The following NRG4 variants were observed in gnomAD, a reference collection of about 807,000 sequenced individuals.
NRG4 encodes pro-neuregulin-4, membrane-bound isoform.
NRG4 carries 10 observed loss-of-function variants against 15.0 expected under a neutral mutation model. The ratio of observed to expected loss-of-function variants is 0.67; its 90% CI spans 0.41 to 1.13. The LOEUF (loss-of-function observed/expected upper bound fraction) is 1.13. NRG4 is among the 50% of genes most tolerant of loss of function. NRG4 has a pLI of 0.00. For synonymous variants in NRG4, 41 were observed against 50.1 expected, an observed-to-expected ratio of 0.82 and a Z score of 0.77; for missense variants, 139 against 140.2, an observed-to-expected ratio of 0.99 and a Z score of 0.04.
At chr15:76,025,228 A>G (rs1273494673) in intron 5 of NRG4, among the ~76,000 whole-genome samples, 1 of 151,914 alleles carries the variant, frequency 6.6e-6, no homozygotes, top group Non-Finnish European at 1.5e-5. Context: ...TCGCGAGGTC[A>G]GGAGATCGAG....
chr15:75,957,933 T>C (rs1486452108), intron 4 of NRG4, among the ~76,000 whole-genome samples: 4 of 152,194 alleles, frequency 2.6e-5, no homozygotes, highest in Non-Finnish European at 5.9e-5. Flanking sequence ...TTTTTAAAAA[T>C]TATATTTGAT....
intron 5 of NRG4, among the ~76,000 whole-genome samples, chr15:76,030,429 C>G (rs1555439521): frequency 2.0e-5 from 3 of 152,112 alleles, no homozygotes; most frequent in Non-Finnish European, 4.4e-5. Flanking sequence ...AATTAAAGAA[C>G]CTATGCTTCT....
intron 3 of NRG4, among the ~76,000 whole-genome samples, chr15:75,998,654 T>G: frequency 6.6e-6 from 1 of 152,190 alleles, no homozygotes. Flanking sequence ...TGAAGGGTTT[T>G]AAGCATAGAA....
At chr15:75,971,192 C>A in intron 3 of NRG4, 1 of 452,726 alleles carries the variant, frequency 2.2e-6, no homozygotes, top group African/African-American at 2.0e-5. Context: ...GGTTTGAATT[C>A]TCCTTTAAGC....
upstream of NRG4, among the ~76,000 whole-genome samples, chr15:76,013,511 G>A (rs191389602): frequency 2.8e-4 from 43 of 151,616 alleles, no homozygotes; most frequent in African/African-American, 1.5e-4. Flanking sequence ...CCCCCACCCC[G>A]ACAGGCCCTA....
At chr15:75,949,434 C>T (rs141287542) in intron 5 of NRG4, among the ~76,000 whole-genome samples, 11 of 151,742 alleles carry the variant, frequency 7.2e-5, no homozygotes, top group African/African-American at 2.7e-4. Context: ...TTTAAATGGG[C>T]TGTCTTTTTA....
chr15:76,018,498 G>C (rs1469424543), intron 5 of NRG4, among the ~76,000 whole-genome samples: 1 of 152,064 alleles, frequency 6.6e-6, no homozygotes, highest in Non-Finnish European at 1.5e-5. Context: ...TGTGACCTTC[G>C]GATGGGGTTT....
intron 3 of NRG4, among the ~76,000 whole-genome samples, chr15:75,983,373 T>A (rs2033674124): frequency 6.6e-6 from 1 of 152,004 alleles, no homozygotes; most frequent in Non-Finnish European, 1.5e-5. Context: ...AATATATCCA[T>A]CCCAGCCAAA....
At chr15:76,020,125 A>G (rs1277285929) in intron 5 of NRG4, among the ~76,000 whole-genome samples, 1 of 152,166 alleles carries the variant, frequency 6.6e-6, no homozygotes, top group Non-Finnish European at 1.5e-5. Flanking sequence ...ATGACTGTGT[A>G]AGATAGAGAA....
intron 1 of NRG4, 98 bp from the exon 2 acceptor site, chr15:76,011,384 GAAAAT>G (rs1301116406): frequency 6.4e-6 from 4 of 622,112 alleles, no homozygotes; most frequent in Non-Finnish European, 7.1e-6. Context: ...CTTAAATGTT[GAAAAT>G]AAAATAATAA....
At chr15:75,987,342 T>A (rs1419992137) in intron 3 of NRG4, among the ~76,000 whole-genome samples, 1 of 152,228 alleles carries the variant, frequency 6.6e-6, no homozygotes, top group Non-Finnish European at 1.5e-5. Context: ...TAATAATTGG[T>A]ATGAACCAGC....
chr15:75,980,151 T>G (rs917874558), intron 3 of NRG4, among the ~76,000 whole-genome samples: 5 of 152,158 alleles, frequency 3.3e-5, no homozygotes, highest in Non-Finnish European at 5.9e-5. Context: ...AAACTAGAAT[T>G]GAACAAGAAC....
At chr15:75,978,127 A>G (rs1056599481) in intron 3 of NRG4, among the ~76,000 whole-genome samples, 23 of 152,068 alleles carry the variant, frequency 1.5e-4, no homozygotes, top group Non-Finnish European at 8.8e-5. Flanking sequence ...TCTTCTAGCT[A>G]TTTTGAAATA....
intron 5 of NRG4, among the ~76,000 whole-genome samples, chr15:76,021,532 C>T (rs2035154855): frequency 6.6e-6 from 1 of 152,192 alleles, no homozygotes; most frequent in African/African-American, 2.4e-5. Flanking sequence ...TGTGCTTGTA[C>T]ACATACACAC....
In NRG4 at chr15:75,959,700, G is replaced by A. The variant is rs534203804; in HGVS notation, c.251+2128C>T. Among the ~76,000 whole-genome samples the A allele has an allele frequency of 1.8e-3, 265 of 151,306 alleles. 3 individuals are homozygous for A. Among genetic ancestry groups the A allele is most frequent in the African/African-American group, 6.0e-3 (247 of 41,222 alleles). On this transcript the variant is annotated intron_variant, in intron 4 of 5. Transcript: ENST00000394907. ...TCATTTTGTAGAGACAGGGTCTTGT[G>A]ATCTTGCCCAGGCTGGTCTCAAACT...
At chr15:76,035,163 C>T (rs1030757832) in intron 5 of NRG4, among the ~76,000 whole-genome samples, 1 of 152,222 alleles carries the variant, frequency 6.6e-6, no homozygotes, top group Non-Finnish European at 1.5e-5. Flanking sequence ...TCCATCTACT[C>T]CAAGGTCCAC....
chr15:75,946,914 C>T (rs758956693), intron 5 of NRG4, among the ~76,000 whole-genome samples: 2 of 152,136 alleles, frequency 1.3e-5, no homozygotes, highest in Non-Finnish European at 2.9e-5. Flanking sequence ...AATAATATTC[C>T]ATTATAGGTA....
In NRG4 at chr15:75,961,910, T is replaced by C. The variant is rs1323598692; in HGVS notation, c.169A>G (p.Thr57Ala). The stretch of plus-strand genomic sequence containing the variant: ...AAAGCTTCAAACAGGTTACTTTTAG[T>C]TTGGATGCTGGAGCCTGGGAGAAAA... ...EVFLPGSSIQ[T>A]KSNLFEAFVA... The change falls in exon 4 of 6, where the codon ACT (threonine) becomes GCT (alanine). Residue 57 changes from threonine (T) to alanine (A), a missense_variant. By Grantham distance (58) the Thr-to-Ala change is moderately conservative. Coordinates refer to ENST00000394907, the MANE Select transcript of NRG4 (RefSeq NM_138573.4). The C allele has an allele frequency of 2.5e-6, 4 of 1,613,574 alleles. No individual in the cohort carries two copies. In the African/African-American group the frequency reaches 5.3e-5, roughly 22 times the overall value.
At chr15:75,972,881 A>G (rs1472840611) in intron 3 of NRG4, among the ~76,000 whole-genome samples, 1 of 152,156 alleles carries the variant, frequency 6.6e-6, no homozygotes. Context: ...TATGAAATTT[A>G]AAGTAGGTTT....
Sources: gnomAD v4.1 joint callset for allele counts (sites outside exome capture counted in the v4.1 genomes callset) on GRCh38, gnomAD v4.1.1 for gene constraint, MANE v1.5 for transcripts, NCBI Gene and HGNC (gene_info 2026-07-23, HGNC 2026-07-21) for gene names.